The following DNER variants were observed in gnomAD, a reference collection of about 807,000 sequenced individuals.
The protein encoded by DNER is delta and Notch-like epidermal growth factor-related receptor.
DNER carries 33 observed loss-of-function variants against 78.2 expected under a neutral mutation model. The ratio of observed to expected loss-of-function variants is 0.42; its 90% CI spans 0.32 to 0.56. The LOEUF is 0.56. DNER is among the 20% of genes least tolerant of loss of function. DNER has a pLI of 0.11. For missense variants in DNER, 918 were observed against 975.3 expected (o/e 0.94, Z 0.78); for synonymous variants, 417 against 384.8 (o/e 1.08, Z -0.98).
Position 229,584,377 on chromosome 2 carries a change from G to A in DNER, c.847+1481C>T, listed in dbSNP as rs147323579. ...TGCCTGGGTGCATTGGACTGGGATG[G>A]GTAGATTCTAAACTTGAGCTCAGGC... On this transcript the variant is annotated intron_variant, in intron 4 of 12. Coordinates refer to ENST00000341772, the MANE Select transcript of DNER (RefSeq NM_139072.4). Among the ~76,000 whole-genome samples the A allele has an allele frequency of 7.7e-3, 1,177 of 152,230 alleles. 6 individuals are homozygous for A. Among genetic ancestry groups the A allele is most frequent in the Non-Finnish European group, 0.012 (838 of 68,014 alleles).
At chr2:229,382,109 G>A (rs1484600522) in intron 11 of DNER, among the ~76,000 whole-genome samples, 1 of 152,216 alleles carries the variant, frequency 6.6e-6, no homozygotes, top group African/African-American at 2.4e-5. Context: ...CTCCATTGGT[G>A]ATACCCAGGC....
At chr2:229,637,942 T>C (rs950543644) in intron 1 of DNER, among the ~76,000 whole-genome samples, 1 of 152,262 alleles carries the variant, frequency 6.6e-6, no homozygotes, top group Non-Finnish European at 1.5e-5. Context: ...AATTATTTAA[T>C]ATTCCTATTA....
chr2:229,519,549 C>T (rs1696052793), intron 5 of DNER, among the ~76,000 whole-genome samples: 1 of 151,990 alleles, frequency 6.6e-6, no homozygotes, highest in African/African-American at 2.4e-5. Context: ...GAATTGAGAA[C>T]AGACTCAAAA....
intron 1 of DNER, among the ~76,000 whole-genome samples, chr2:229,682,787 G>T (rs1699407443): frequency 6.6e-6 from 1 of 152,168 alleles, no homozygotes; most frequent in Admixed American, 6.5e-5. Context: ...GGCAGAGGTT[G>T]CAGTGAGCCA....
At chr2:229,603,641 G>T (rs573422654) in intron 1 of DNER, among the ~76,000 whole-genome samples, 1 of 152,158 alleles carries the variant, frequency 6.6e-6, no homozygotes, top group Non-Finnish European at 1.5e-5. Flanking sequence ...AGGTGGGGAC[G>T]AGGAAGCTGC....
At chr2:229,551,791 G>T (rs915008260) in intron 4 of DNER, among the ~76,000 whole-genome samples, 2 of 152,016 alleles carry the variant, frequency 1.3e-5, no homozygotes, top group Non-Finnish European at 2.9e-5. Flanking sequence ...AAATTACCGG[G>T]CATGGTGGTG....
At chr2:229,515,065 T>C (rs191035523) in intron 5 of DNER, among the ~76,000 whole-genome samples, 64 of 152,382 alleles carry the variant, frequency 4.2e-4, no homozygotes, top group African/African-American at 1.5e-3. Context: ...CTATATTTTC[T>C]GCCTTCTATT....
At chr2:229,555,544 A>G (rs1051440045) in intron 4 of DNER, among the ~76,000 whole-genome samples, 6 of 152,162 alleles carry the variant, frequency 3.9e-5, no homozygotes, top group Non-Finnish European at 1.5e-5. Context: ...GGCGTAAAAC[A>G]TCATGTACCT....
chr2:229,674,718 G>T (rs1699273222), intron 1 of DNER, among the ~76,000 whole-genome samples: 1 of 152,176 alleles, frequency 6.6e-6, no homozygotes, highest in African/African-American at 2.4e-5. Context: ...CTCTAACAGA[G>T]AAGACACTGG....
At chr2:229,620,505 T>C (rs928127347) in intron 1 of DNER, among the ~76,000 whole-genome samples, 4 of 152,180 alleles carry the variant, frequency 2.6e-5, no homozygotes, top group Non-Finnish European at 5.9e-5. Context: ...ATCACCTCAC[T>C]GCGTGTGATG....
At chr2:229,592,105 T>C (rs1425403081) in intron 1 of DNER, among the ~76,000 whole-genome samples, 1 of 151,938 alleles carries the variant, frequency 6.6e-6, no homozygotes, top group East Asian at 1.9e-4. Context: ...AGCAAGAAAA[T>C]ACAAAGTGGA....
chr2:229,369,207 T>C (rs1211832344), intron 11 of DNER, among the ~76,000 whole-genome samples: 1 of 151,706 alleles, frequency 6.6e-6, no homozygotes, highest in Non-Finnish European at 1.5e-5. Context: ...AGTTAAACTT[T>C]CTAAAAAGTT....
At chr2:229,456,849 A>G (rs1193319896) in intron 7 of DNER, among the ~76,000 whole-genome samples, 1 of 152,054 alleles carries the variant, frequency 6.6e-6, no homozygotes, top group Non-Finnish European at 1.5e-5. Context: ...AATAAATCAA[A>G]TATACAGGAA....
chr2:229,505,550 G>C (rs1406527527), intron 6 of DNER, among the ~76,000 whole-genome samples: 2 of 152,106 alleles, frequency 1.3e-5, no homozygotes, highest in East Asian at 3.9e-4. Flanking sequence ...GTGACCTTTG[G>C]GCAAAGTGGA....
chr2:229,568,443 T>G (rs187543330), intron 4 of DNER, among the ~76,000 whole-genome samples: 16 of 152,298 alleles, frequency 1.1e-4, no homozygotes, highest in African/African-American at 3.8e-4. Context: ...CAGTAGGAAA[T>G]GCAGGCTTTG....
intron 8 of DNER, among the ~76,000 whole-genome samples, chr2:229,421,907 AC>A (rs1169871441): frequency 6.6e-6 from 1 of 152,168 alleles, no homozygotes; most frequent in Non-Finnish European, 1.5e-5. Flanking sequence ...ATTTAAATAG[AC>A]AAAAATCAAA....
chr2:229,710,529 A>G (rs1699893784), intron 1 of DNER, among the ~76,000 whole-genome samples: 1 of 152,214 alleles, frequency 6.6e-6, no homozygotes, highest in Non-Finnish European at 1.5e-5. Flanking sequence ...TTATGTCTGC[A>G]AAGTCCTTGG....
chr2:229,594,404 T>C (rs1336712584), intron 1 of DNER, among the ~76,000 whole-genome samples: 1 of 152,136 alleles, frequency 6.6e-6, no homozygotes, highest in Non-Finnish European at 1.5e-5. Flanking sequence ...CTGGCCAACA[T>C]GGCAAAGCCT....
chr2:229,667,696 G>A (rs1699117993), intron 1 of DNER, among the ~76,000 whole-genome samples: 1 of 152,102 alleles, frequency 6.6e-6, no homozygotes, highest in Non-Finnish European at 1.5e-5. Flanking sequence ...TTCTGACAAG[G>A]GTAGTGTCCT....
Sources: gnomAD v4.1 joint callset for allele counts (sites outside exome capture counted in the v4.1 genomes callset) on GRCh38, gnomAD v4.1.1 for gene constraint, MANE v1.5 for transcripts, NCBI Gene and HGNC (gene_info 2026-07-23, HGNC 2026-07-21) for gene names.